TTC28: variants seen among roughly 807,000 people sequenced by gnomAD.
TTC28 encodes tetratricopeptide repeat domain 28.
Under a neutral mutation model 198.0 loss-of-function variants are expected in TTC28, and 61 were observed. That is an observed-to-expected ratio of 0.31 (90% CI 0.25 to 0.38). The LOEUF is 0.38. TTC28 is among the 10% of genes least tolerant of loss of function. The pLI is 1.00. For missense variants in TTC28, 2,678 were observed against 3,164.0 expected (o/e 0.85, Z 3.69); for synonymous variants, 1,171 against 1,297.8 (o/e 0.90, Z 2.10).
intron 5 of TTC28, among the ~76,000 whole-genome samples, chr22:28,201,189 A>C (rs905394360): frequency 4.6e-5 from 7 of 152,028 alleles, no homozygotes; most frequent in Admixed American, 3.9e-4. Flanking sequence ...AAATTCATTC[A>C]TTCATTCATT....
chr22:28,033,869 C>T (rs930768032), intron 12 of TTC28, among the ~76,000 whole-genome samples: 2 of 152,148 alleles, frequency 1.3e-5, no homozygotes, highest in African/African-American at 4.8e-5. Flanking sequence ...GCTGGGATTA[C>T]TCAAAGGAGG....
At chr22:28,187,588 C>T (rs1357199536) in intron 5 of TTC28, among the ~76,000 whole-genome samples, 4 of 152,156 alleles carry the variant, frequency 2.6e-5, no homozygotes, top group Non-Finnish European at 5.9e-5. Flanking sequence ...TTACATTTCC[C>T]CCAGGATGCT....
chr22:28,440,385 A>C (rs1325670124), intron 2 of TTC28, among the ~76,000 whole-genome samples: 1 of 152,200 alleles, frequency 6.6e-6, no homozygotes, highest in African/African-American at 2.4e-5. Flanking sequence ...AGCTTGTTTT[A>C]GTATTTAGAT....
chr22:28,587,534 C>T (rs1390129265), intron 2 of TTC28, among the ~76,000 whole-genome samples: 1 of 151,904 alleles, frequency 6.6e-6, no homozygotes, highest in Non-Finnish European at 1.5e-5. Flanking sequence ...CAGAATCTTG[C>T]TCTGTCACCC....
chr22:28,019,681 G>A (rs541451058), intron 13 of TTC28, among the ~76,000 whole-genome samples: 2 of 152,320 alleles, frequency 1.3e-5, no homozygotes, highest in South Asian at 2.1e-4. Flanking sequence ...ACAGAGGGCC[G>A]GGGGCTCCTC....
intron 5 of TTC28, among the ~76,000 whole-genome samples, chr22:28,223,210 T>A (rs2147207871): frequency 6.6e-6 from 1 of 152,208 alleles, no homozygotes; most frequent in African/African-American, 2.4e-5. Context: ...CTTCTTTCCA[T>A]CCCACAAATA....
chr22:28,658,826 G>A (rs1426859566), intron 1 of TTC28, among the ~76,000 whole-genome samples: 8 of 152,010 alleles, frequency 5.3e-5, no homozygotes, highest in African/African-American at 1.7e-4. Flanking sequence ...GTAAAACCTC[G>A]TCTCTACTAA....
At chr22:28,677,221 T>G (rs9625527) in intron 1 of TTC28, among the ~76,000 whole-genome samples, 1,532 of 140,232 alleles carry the variant, frequency 0.011, 27 homozygotes, top group African/African-American at 0.039. Flanking sequence ...TATATTAAGT[T>G]AAAACCCTAC....
At chr22:28,526,317 A>G (rs967702933) in intron 2 of TTC28, among the ~76,000 whole-genome samples, 3 of 152,174 alleles carry the variant, frequency 2.0e-5, no homozygotes, top group Non-Finnish European at 4.4e-5. Context: ...ATTTTTTTCG[A>G]TAATAAAATG....
At position 28,525,561 on chromosome 22, in the gene TTC28, G is replaced by T. The variant is rs2048990251; in HGVS notation, c.381+103991C>A. On this transcript the variant is annotated intron_variant, in intron 2 of 22. Coordinates refer to ENST00000397906, the MANE Select transcript of TTC28 (RefSeq NM_001145418.2). ...TGAAATTAAGATCACTCTAGGGAAA[G>T]GTGAAAATTTTTAAACTTAAGAGAA... Among the ~76,000 whole-genome samples the T allele has an allele frequency of 1.1e-4, 16 of 152,142 alleles. No individual in the cohort carries two copies. The South Asian group carries it at 3.3e-3, about 32-fold the overall frequency.
intron 1 of TTC28, among the ~76,000 whole-genome samples, chr22:28,649,352 A>AC (rs2051530512): frequency 6.6e-6 from 1 of 152,176 alleles, no homozygotes; most frequent in South Asian, 2.1e-4. Context: ...AATGACTTGT[A>AC]CCCCAAAAGC....
chr22:28,515,207 A>G (rs1006088937), intron 2 of TTC28, among the ~76,000 whole-genome samples: 2 of 152,322 alleles, frequency 1.3e-5, no homozygotes, highest in Admixed American at 1.3e-4. Flanking sequence ...GCTTTCAATA[A>G]TGTTGTTTTT....
intron 1 of TTC28, among the ~76,000 whole-genome samples, chr22:28,638,759 C>A (rs1325220144): frequency 6.6e-6 from 1 of 152,112 alleles, no homozygotes; most frequent in Non-Finnish European, 1.5e-5. Context: ...TTTACCTCCC[C>A]TACTATCAGA....
intron 2 of TTC28, among the ~76,000 whole-genome samples, chr22:28,360,849 C>T (rs2145959235): frequency 6.6e-6 from 1 of 152,316 alleles, no homozygotes; most frequent in East Asian, 1.9e-4. Context: ...GTCTCTGTGT[C>T]ACATTTTGGT....
At chr22:28,056,985 T>C (rs547838027) in intron 12 of TTC28, among the ~76,000 whole-genome samples, 1 of 152,372 alleles carries the variant, frequency 6.6e-6, no homozygotes, top group South Asian at 2.1e-4. Context: ...TCTTACTTTT[T>C]ACTGGTGGGT....
chr22:28,461,055 T>A (rs890564945), intron 2 of TTC28, among the ~76,000 whole-genome samples: 2 of 152,234 alleles, frequency 1.3e-5, no homozygotes, highest in African/African-American at 4.8e-5. Flanking sequence ...AGGATCTGTT[T>A]ATCTACGGTC....
intron 2 of TTC28, among the ~76,000 whole-genome samples, chr22:28,498,110 G>A (rs2048481152): frequency 6.6e-6 from 1 of 150,930 alleles, no homozygotes; most frequent in Non-Finnish European, 1.5e-5. Context: ...TGTTGTCAAG[G>A]AAATAGAACA....
chr22:28,609,152 T>C (rs1472603223), intron 2 of TTC28, among the ~76,000 whole-genome samples: 1 of 152,138 alleles, frequency 6.6e-6, no homozygotes, highest in Non-Finnish European at 1.5e-5. Context: ...ATGGAAACTA[T>C]GTCTAAAGAA....
chr22:28,549,288 C>T (rs2049610475), intron 2 of TTC28, among the ~76,000 whole-genome samples: 1 of 152,124 alleles, frequency 6.6e-6, no homozygotes, highest in Non-Finnish European at 1.5e-5. Flanking sequence ...CTAAGCCTCC[C>T]GAAGTGCTGG....
Sources: gnomAD v4.1 joint callset for allele counts (sites outside exome capture counted in the v4.1 genomes callset) on GRCh38, gnomAD v4.1.1 for gene constraint, MANE v1.5 for transcripts, NCBI Gene and HGNC (gene_info 2026-07-23, HGNC 2026-07-21) for gene names.